Variants in CNTNAP2 observed in about 807,000 individuals in gnomAD.
CNTNAP2 encodes the protein contactin-associated protein-like 2.
A neutral mutation model predicts 155.2 loss-of-function variants in CNTNAP2; 98 were observed. The observed-to-expected ratio is 0.63, with a 90% CI of 0.54 to 0.75. The LOEUF is 0.75. CNTNAP2 is among the 30% of genes least tolerant of loss of function. The probability of loss-of-function intolerance (pLI) is 0.00; values close to 1 mark genes in which losing one functional copy is unlikely to be tolerated. For synonymous variants in CNTNAP2, 651 were observed against 631.2 expected (o/e 1.03, Z -0.47); for missense variants, 1,727 against 1,688.1 (o/e 1.02, Z -0.40).
chr7:146,393,528 T>C (rs371149114), intron 1 of CNTNAP2, among the ~76,000 whole-genome samples: 23 of 152,178 alleles, frequency 1.5e-4, no homozygotes, highest in African/African-American at 5.3e-4. Flanking sequence ...TTATCCCTGC[T>C]TTGCTGATAT....
chr7:146,831,473 C>A (rs766491532), intron 2 of CNTNAP2, among the ~76,000 whole-genome samples: 1 of 151,658 alleles, frequency 6.6e-6, no homozygotes, highest in Non-Finnish European at 1.5e-5. Flanking sequence ...GTCGAGAGAT[C>A]GAGACCAGCT....
At position 146,588,334 on chromosome 7, in the gene CNTNAP2, G is replaced by A. The variant is rs529061777; in HGVS notation, c.98-185937G>A. Reference sequence around the variant, plus strand: ...ACTTCTTCTTTAGTTTATAAATTTGGAAATTGTAATTAATTCCATTACATG... The same window carrying A: ...ACTTCTTCTTTAGTTTATAAATTTGAAAATTGTAATTAATTCCATTACATG... On this transcript the variant is annotated intron_variant, in intron 1 of 23. Coordinates refer to ENST00000361727, the MANE Select transcript of CNTNAP2 (RefSeq NM_014141.6). Among the ~76,000 whole-genome samples the A allele has an allele frequency of 3.3e-5, 5 of 152,138 alleles. No homozygotes were observed. In the South Asian group the frequency reaches 8.3e-4, roughly 25 times the overall value.
chr7:148,001,355 G>A (rs955429823), intron 15 of CNTNAP2, among the ~76,000 whole-genome samples: 9 of 152,204 alleles, frequency 5.9e-5, no homozygotes, highest in African/African-American at 1.4e-4. Context: ...TCTACACTGC[G>A]TCGAACAGAT....
chr7:147,075,456 G>A (rs929258901), intron 4 of CNTNAP2, among the ~76,000 whole-genome samples: 5 of 152,120 alleles, frequency 3.3e-5, no homozygotes, highest in South Asian at 4.2e-4. Context: ...TACCCAGCAC[G>A]AAAGCTTTAT....
chr7:147,334,114 A>G (rs1434682979), intron 9 of CNTNAP2, among the ~76,000 whole-genome samples: 1 of 152,186 alleles, frequency 6.6e-6, no homozygotes, highest in South Asian at 2.1e-4. Flanking sequence ...TCCCAAAGGA[A>G]GATGTGTCTA....
chr7:147,218,287 C>A (rs1803318561), intron 8 of CNTNAP2, among the ~76,000 whole-genome samples: 1 of 151,426 alleles, frequency 6.6e-6, no homozygotes, highest in Non-Finnish European at 1.5e-5. Context: ...TGTAAATGTC[C>A]CTCAAAGCAT....
chr7:147,924,759 T>C (rs1020575005), intron 14 of CNTNAP2, among the ~76,000 whole-genome samples: 68 of 151,938 alleles, frequency 4.5e-4, no homozygotes, highest in African/African-American at 1.6e-3. Context: ...TTGTGCAGAG[T>C]ATGAGAGCCA....
chr7:148,140,971 T>TA (rs1805054189), intron 16 of CNTNAP2, among the ~76,000 whole-genome samples: 1 of 152,218 alleles, frequency 6.6e-6, no homozygotes, highest in African/African-American at 2.4e-5. Context: ...TCCTAGGACT[T>TA]ACTACTAGAA....
At chr7:147,775,312 T>TATATATGTATTTATATATATTTATAA (rs1797556999) in intron 13 of CNTNAP2, among the ~76,000 whole-genome samples, 1 of 34,258 alleles carries the variant, frequency 2.9e-5, no homozygotes, top group Non-Finnish European at 4.4e-5. Context: ...TATTTATAAA[T>TATATATGTATTTATATATATTTATAA]ATATATATAT....
intron 5 of CNTNAP2, among the ~76,000 whole-genome samples, chr7:147,112,738 T>C (rs543156366): frequency 2.2e-4 from 33 of 152,308 alleles, no homozygotes; most frequent in South Asian, 1.0e-3. Flanking sequence ...TTACAGTGAA[T>C]ACCCATTTTG....
intron 14 of CNTNAP2, among the ~76,000 whole-genome samples, chr7:147,934,432 A>C (rs1800567529): frequency 6.6e-6 from 1 of 152,164 alleles, no homozygotes; most frequent in African/African-American, 2.4e-5. Flanking sequence ...ATCTCATTAG[A>C]CTTATTCACT....
At chr7:148,401,222 G>A (rs1034784008) in intron 22 of CNTNAP2, among the ~76,000 whole-genome samples, 1 of 152,160 alleles carries the variant, frequency 6.6e-6, no homozygotes, top group African/African-American at 2.4e-5. Context: ...AGATACATGA[G>A]AGAGTCCTGA....
rs75086439 is a variant in CNTNAP2 at position 146,975,728 on chromosome 7, C to T, written c.403-68179C>T. On this transcript the variant is annotated intron_variant, in intron 3 of 23. Transcript: ENST00000361727. ...TCTCCCATTCTCAAAATTAGGAAGG[C>T]TTTATTTTGAGGTGCCAGAGCACAC... Among the ~76,000 whole-genome samples the T allele has an allele frequency of 7.8e-3, 1,191 of 152,218 alleles. 8 individuals carry two copies. The highest frequency in any genetic ancestry group is 0.011 in the Non-Finnish European group (730 of 68,008).
chr7:146,411,818 A>AT (rs1207791288), intron 1 of CNTNAP2, among the ~76,000 whole-genome samples: 39 of 115,126 alleles, frequency 3.4e-4, no homozygotes, highest in African/African-American at 1.8e-3. Context: ...ATTTTATTTT[A>AT]TTTATTTACT....
intron 3 of CNTNAP2, among the ~76,000 whole-genome samples, chr7:146,917,480 G>T (rs1353602811): frequency 6.6e-6 from 1 of 152,048 alleles, no homozygotes; most frequent in Non-Finnish European, 1.5e-5. Context: ...GTATAAATAT[G>T]GGAGCTCCAG....
intron 8 of CNTNAP2, among the ~76,000 whole-genome samples, chr7:147,228,003 A>G (rs1803586789): frequency 6.6e-6 from 1 of 152,196 alleles, no homozygotes; most frequent in African/African-American, 2.4e-5. Flanking sequence ...GTAGAAGCAG[A>G]TGATGGAGGA....
intron 3 of CNTNAP2, among the ~76,000 whole-genome samples, chr7:146,912,118 G>A (rs1308055250): frequency 6.6e-6 from 1 of 150,582 alleles, no homozygotes; most frequent in Non-Finnish European, 1.5e-5. Context: ...TGATTTTAAT[G>A]AGTCATTGAA....
At chr7:148,292,789 C>T (rs942270525) in intron 21 of CNTNAP2, among the ~76,000 whole-genome samples, 5 of 152,172 alleles carry the variant, frequency 3.3e-5, no homozygotes, top group Admixed American at 1.3e-4. Flanking sequence ...AGAACACAAT[C>T]TAGCTGCTTC....
rs571313647 is a variant in CNTNAP2, at chr7:148,179,936, C to T, written c.3010+7458C>T. Among the ~76,000 whole-genome samples, 238 of 152,298 alleles carry T rather than the reference C, an allele frequency of 1.6e-3. 2 individuals are homozygous for T. The highest frequency in any genetic ancestry group is 5.5e-3 in the African/African-American group (227 of 41,578). Reference sequence around the variant, plus strand: ...GGGTTTGCCAAAAGCGGTTGGAAGACTGAACAAATTCTGTTCCACAGCTCT... The same window carrying T: ...GGGTTTGCCAAAAGCGGTTGGAAGATTGAACAAATTCTGTTCCACAGCTCT... On this transcript the variant is annotated intron_variant, in intron 18 of 23. Transcript: ENST00000361727.
Sources: allele counts gnomAD v4.1 joint callset (sites outside exome capture counted in the v4.1 genomes callset), GRCh38; gene constraint gnomAD v4.1.1; transcripts MANE v1.5; gene names NCBI Gene and HGNC (gene_info 2026-07-23, HGNC 2026-07-21).